The following MAGEA11 variants were observed in gnomAD, a reference collection of about 807,000 sequenced individuals.
MAGEA11 encodes the protein MAGE family member A11.
Under a neutral mutation model 8.4 loss-of-function variants are expected in MAGEA11, and 1 was observed. That is an observed-to-expected ratio of 0.12 (90% CI 0.04 to 0.57). MAGEA11 has a LOEUF of 0.57. Among genes scored for constraint, MAGEA11 ranks in the 20% least tolerant of loss-of-function variants. The pLI, the probability that MAGEA11 is intolerant of heterozygous loss-of-function variation, is 0.91. For missense variants in MAGEA11, 209 were observed against 317.3 expected, an observed-to-expected ratio of 0.66 and a Z score of 2.59; for synonymous variants, 127 against 119.3, an observed-to-expected ratio of 1.06 and a Z score of -0.42.
intron 1 of MAGEA11, among the ~76,000 whole-genome samples, chrX:149,696,347 G>C (rs928873009): frequency 1.8e-5 from 2 of 110,096 alleles, no homozygotes; most frequent in Non-Finnish European, 3.8e-5. Context: ...TGATCAAGTG[G>C]CCCTGACCTG....
upstream of MAGEA11, among the ~76,000 whole-genome samples, chrX:149,708,603 C>T (rs1159527932): frequency 9.0e-6 from 1 of 111,188 alleles, no homozygotes; most frequent in Non-Finnish European, 1.9e-5. Context: ...AGAACAAAGG[C>T]GTGCAGTACC....
upstream of MAGEA11, chrX:149,711,989 C>T (rs2090403638): frequency 2.7e-6 from 2 of 736,012 alleles, no homozygotes; most frequent in Non-Finnish European, 3.2e-6. Flanking sequence ...CGCCCCCACA[C>T]GGGCAGAATC....
chrX:149,689,441 T>C (rs1197840084), intron 1 of MAGEA11, among the ~76,000 whole-genome samples: 1 of 112,114 alleles, frequency 8.9e-6, no homozygotes, highest in South Asian at 3.7e-4. Context: ...ATTTTAGACA[T>C]AGAATCCCTT....
At chrX:149,709,409 GA>G (rs782541243), upstream of MAGEA11, among the ~76,000 whole-genome samples, 1 of 111,941 alleles carries the variant, frequency 8.9e-6, no homozygotes, top group East Asian at 2.8e-4. Flanking sequence ...GAAAGTTTCA[GA>G]GGCCAGTTTT....
chrX:149,716,091 A>G lies in MAGEA11; in HGVS notation c.605A>G (p.Lys202Arg), dbSNP rs2090425552. The G allele has an allele frequency of 2.5e-6, 3 of 1,211,956 alleles. No individual in the cohort carries two copies. The highest frequency in any genetic ancestry group is 3.5e-5 in the South Asian group (2 of 56,987). ...GATGAGGGCTCTGGCAGCCAAGAAA[A>G]GGAGGGGCCAAGTACCTCGCCTGAC... ...LSDEGSGSQE[K>R]EGPSTSPDLI... is the part of the protein sequence containing the mutation. Residue 202 changes from lysine to arginine, a missense_variant, in exon 5 of 5, where the codon AAG becomes AGG. Physicochemically the swap from Lys to Arg is conservative, Grantham distance 26. This residue lies in a region of MAGEA11 where 78 missense variants were observed against 178.8 expected (regional missense o/e 0.44). Transcript: ENST00000355220.
Position 149,716,130 on chromosome X carries a change from A to C in MAGEA11, c.644A>C (p.Glu215Ala). 8.2e-7 allele frequency: 1 copy of C among 1,212,163 alleles called. No homozygotes were observed. The highest frequency in any genetic ancestry group is 1.1e-6 in the Non-Finnish European group (1 of 895,593). Reference protein sequence around the residue: ...PSTSPDLIDPESFSQDILHDK... With the variant: ...PSTSPDLIDPASFSQDILHDK... ...ACCTCGCCTGACCTGATAGACCCTG[A>C]GTCCTTTTCCCAAGATATACTACAT... Residue 215 changes from glutamate (E) to alanine (A), a missense_variant, in exon 5 of 5, where the codon GAG becomes GCG. Glu to Ala is a moderately radical substitution (Grantham distance 107). This residue lies in a region of MAGEA11 where 78 missense variants were observed against 178.8 expected (regional missense o/e 0.44). Coordinates refer to ENST00000355220, the MANE Select transcript of MAGEA11 (RefSeq NM_005366.5).
At position 149,714,581 on chromosome X, in the gene MAGEA11, G is replaced by C. The variant is rs782700466; in HGVS notation, c.192+5G>C. 3 of 1,209,151 alleles carry C rather than the reference G, an allele frequency of 2.5e-6. No homozygotes were observed. The highest frequency in any genetic ancestry group is 3.4e-6 in the Non-Finnish European group (3 of 894,187). The stretch of plus-strand genomic sequence containing the variant: ...CAGGATCTGCCAAGAGTCCAGGTGA[G>C]AAACCTGAGGGAGGATTGAGGGTTC... On this transcript the variant is annotated splice_donor_5th_base_variant and intron_variant, in intron 3 of 4. Transcript: ENST00000355220.
chrX:149,704,757 C>T (rs1439040943), intron 1 of MAGEA11, among the ~76,000 whole-genome samples: 2 of 112,304 alleles, frequency 1.8e-5, no homozygotes, highest in African/African-American at 6.5e-5. Context: ...AGACATGTGC[C>T]CTGCCTTGCT....
chrX:149,693,022 G>A (rs782546090), intron 1 of MAGEA11, among the ~76,000 whole-genome samples: 22 of 111,956 alleles, frequency 2.0e-4, no homozygotes, highest in Non-Finnish European at 3.6e-4. Flanking sequence ...TCCCACTCTC[G>A]AGTATGTCTT....
chrX:149,711,823 T>G, upstream of MAGEA11: 1 of 750,346 alleles, frequency 1.3e-6, no homozygotes, highest in Non-Finnish European at 1.6e-6. Context: ...AGGACGGAGC[T>G]CCAGGCTCTG....
chrX:149,706,326 G>C lies in MAGEA11; in HGVS notation c.10-8155G>C, dbSNP rs1163368568. Reference sequence around the variant, plus strand: ...ACCCATTAGTCTTCTTAAACTTTTTGGGGGTACACCGAGATCCTAGATGGC... The same window carrying C: ...ACCCATTAGTCTTCTTAAACTTTTTCGGGGTACACCGAGATCCTAGATGGC... On this transcript the variant is annotated intron_variant, in intron 1 of 3. Coordinates refer to the MAGEA11 transcript ENST00000333104. 1.6e-4 allele frequency among the ~76,000 whole-genome samples: 18 copies of C among 111,776 alleles called. No homozygotes were observed. The Admixed American group carries it at 1.7e-3, about 11-fold the overall frequency.
In MAGEA11 at chrX:149,691,829, C is replaced by A. The variant is rs149854406; in HGVS notation, c.9+2845C>A. On this transcript the variant is annotated intron_variant, in intron 1 of 3. Coordinates refer to the MAGEA11 transcript ENST00000333104. ...CCTGCTGTGTACTCTGCCCTCCAGG[C>A]AGTAAGCTAAGGAAATTTTAGGGCT... Among the ~76,000 whole-genome samples the A allele has an allele frequency of 7.9e-3, 891 of 112,879 alleles. 7 individuals are homozygous for A. Among genetic ancestry groups the A allele is most frequent in the African/African-American group, 0.026 (812 of 31,099 alleles).
intron 1 of MAGEA11, among the ~76,000 whole-genome samples, chrX:149,689,482 A>G (rs1335901230): frequency 2.7e-5 from 3 of 112,238 alleles, no homozygotes; most frequent in African/African-American, 6.5e-5. Flanking sequence ...TAGAACTCCA[A>G]TTTATGAACA....
intron 1 of MAGEA11, among the ~76,000 whole-genome samples, chrX:149,703,978 TA>T (rs1414852436): frequency 2.7e-5 from 3 of 112,281 alleles, no homozygotes; most frequent in African/African-American, 9.7e-5. Flanking sequence ...GCGACAGAGC[TA>T]ATATTCAAAC....
chrX:149,712,139 G>C lies in MAGEA11; in HGVS notation c.-41G>C. On this transcript the variant is annotated 5_prime_UTR_variant, in exon 1 of 5. Coordinates refer to ENST00000355220, the MANE Select transcript of MAGEA11 (RefSeq NM_005366.5). ...TCTTGAGAGTGGCAGAGGGCAGCGG[G>C]TCCAGGCTCCATGAGGAGGCAAGGT... The C allele has an allele frequency of 1.3e-6, 1 of 753,296 alleles. No individual in the cohort carries two copies. The highest frequency in any genetic ancestry group is 1.5e-4 in the East Asian group (1 of 6,621). The allele number at this position is 753,296 out of a possible 1,213,427, so 62.1% of individuals were successfully genotyped here. A position where few individuals can be genotyped will look rare whatever the true frequency, so the allele number is the denominator to read the frequency against.
chrX:149,690,299 A>G (rs782292526), intron 1 of MAGEA11, among the ~76,000 whole-genome samples: 1 of 113,047 alleles, frequency 8.8e-6, no homozygotes, highest in South Asian at 3.6e-4. Flanking sequence ...TAAGAAAACA[A>G]GGTAAAGTTC....
At chrX:149,706,816 C>T (rs1277271213) in intron 1 of MAGEA11, among the ~76,000 whole-genome samples, 3 of 111,888 alleles carry the variant, frequency 2.7e-5, no homozygotes, top group African/African-American at 9.7e-5. Flanking sequence ...GAGAAGGAAA[C>T]CCCAAATCCC....
chrX:149,697,614 G>T (rs782456747), intron 1 of MAGEA11, among the ~76,000 whole-genome samples: 4 of 110,307 alleles, frequency 3.6e-5, no homozygotes, highest in East Asian at 5.8e-4. Flanking sequence ...GTTCCTAGGG[G>T]TGGGAAGGCT....
At position 149,715,800 on chromosome X, in the gene MAGEA11, A is replaced by T; in HGVS notation, c.314A>T (p.Asp105Val). 8.3e-7 allele frequency: 1 copy of T among 1,206,502 alleles called. No homozygotes were observed. ...TQIFPTVRPA[D>V]LTRVIMPLEQ... Reference sequence around the variant, plus strand: ...ATATTTCCCACAGTTCGGCCTGCTGACCTAACCAGAGTCATCATGCCTCTT... The same window carrying T: ...ATATTTCCCACAGTTCGGCCTGCTGTCCTAACCAGAGTCATCATGCCTCTT... Residue 105 changes from aspartate (D) to valine (V), a missense_variant, in exon 5 of 5, where the codon GAC (aspartate) becomes GTC (valine). Physicochemically the swap from Asp to Val is radical, Grantham distance 152. This residue lies in a region of MAGEA11 where 131 missense variants were observed against 138.5 expected (regional missense o/e 0.95). Coordinates refer to ENST00000355220, the MANE Select transcript of MAGEA11 (RefSeq NM_005366.5).
Sources: gnomAD v4.1 joint callset for allele counts (sites outside exome capture counted in the v4.1 genomes callset) on GRCh38, gnomAD v4.1.1 for gene constraint, gnomAD v4.1.1 regional missense constraint, MANE v1.5 for transcripts, NCBI Gene and HGNC (gene_info 2026-07-23, HGNC 2026-07-21) for gene names.